TENM2: variants seen among roughly 807,000 people sequenced by gnomAD.
TENM2 encodes the protein teneurin-2.
TENM2 carries 52 observed loss-of-function variants against 245.2 expected under a neutral mutation model. The ratio of observed to expected loss-of-function variants is 0.21; its 90% CI spans 0.17 to 0.27. The LOEUF (loss-of-function observed/expected upper bound fraction) is 0.27. Among genes scored for constraint, TENM2 ranks in the 10% least tolerant of loss-of-function variants. The pLI, the probability that TENM2 is intolerant of heterozygous loss-of-function variation, is 1.00. For missense variants in TENM2, 3,046 were observed against 3,666.8 expected, an observed-to-expected ratio of 0.83 and a Z score of 4.37; for synonymous variants, 1,363 against 1,438.9, an observed-to-expected ratio of 0.95 and a Z score of 1.19.
Position 167,801,820 on chromosome 5 carries a change from TG to T in TENM2, c.503-74163del, listed in dbSNP as rs558625975. Among the ~76,000 whole-genome samples the T allele has an allele frequency of 4.1e-3, 619 of 151,964 alleles. 3 individuals carry two copies. The highest frequency in any genetic ancestry group is 6.4e-3 in the Non-Finnish European group (433 of 67,964). On this transcript the variant is annotated intron_variant, in intron 2 of 28. Transcript: ENST00000518659. ...CTGGGTGGGGCCAATAGGCAGAGAATGGGTAATTCAGTTGTAAGACCAGAGA... is the reference window on the plus strand; with the variant it reads ...CTGGGTGGGGCCAATAGGCAGAGAATGGTAATTCAGTTGTAAGACCAGAGA...
At chr5:167,011,975 T>C in the TENM2 span, among the ~76,000 whole-genome samples, 1 of 151,682 alleles carries the variant, frequency 6.6e-6, no homozygotes, top group Non-Finnish European at 1.5e-5. Context: ...CCTTTCAGTT[T>C]AGTCTCCTTT....
exon 10 of TENM2, chr5:168,118,312 A>G (rs1405627941): frequency 6.2e-7 from 1 of 1,601,178 alleles, no homozygotes; most frequent in East Asian, 2.2e-5. Context: ...TGTCCTGTGC[A>G]GTGGGAATGG....
intron 2 of TENM2, among the ~76,000 whole-genome samples, chr5:167,531,452 C>G (rs1389507370): frequency 6.6e-6 from 1 of 151,918 alleles, no homozygotes; most frequent in Non-Finnish European, 1.5e-5. Flanking sequence ...TTAAATCAGA[C>G]AGTCTGACAC....
intron 2 of TENM2, among the ~76,000 whole-genome samples, chr5:167,429,659 T>G (rs1037668945): frequency 2.2e-5 from 3 of 137,158 alleles, no homozygotes; most frequent in Admixed American, 1.7e-4. Flanking sequence ...CAGGCTGGAG[T>G]GCAGTGAAGC....
intron 2 of TENM2, among the ~76,000 whole-genome samples, chr5:167,868,994 G>A (rs1326328141): frequency 6.6e-6 from 1 of 152,120 alleles, no homozygotes; most frequent in African/African-American, 2.4e-5. Context: ...ATGTAGAGTA[G>A]CTGTTAATAT....
At chr5:167,083,963 C>G in the TENM2 span, among the ~76,000 whole-genome samples, 2 of 152,032 alleles carry the variant, frequency 1.3e-5, no homozygotes, top group Admixed American at 6.6e-5. Context: ...AGAAAAGTTA[C>G]CTGAGGGTGC....
chr5:167,436,783 C>G (rs555325843), intron 2 of TENM2, among the ~76,000 whole-genome samples: 1 of 152,142 alleles, frequency 6.6e-6, no homozygotes, highest in African/African-American at 2.4e-5. Flanking sequence ...GCATACAGCT[C>G]GGGCTCTTCC....
chr5:168,205,945 G>A (rs1762317453), intron 19 of TENM2, among the ~76,000 whole-genome samples: 1 of 152,210 alleles, frequency 6.6e-6, no homozygotes, highest in South Asian at 2.1e-4. Context: ...CAGGATTGGG[G>A]CAATGGTGAT....
chr5:168,181,908 C>A (rs1478213752), intron 13 of TENM2, among the ~76,000 whole-genome samples: 3 of 151,936 alleles, frequency 2.0e-5, no homozygotes, highest in African/African-American at 7.2e-5. Context: ...AACTCCTGAC[C>A]TCAGGTGATC....
At chr5:167,757,909 A>G (rs1272664357) in intron 2 of TENM2, among the ~76,000 whole-genome samples, 1 of 152,178 alleles carries the variant, frequency 6.6e-6, no homozygotes, top group African/African-American at 2.4e-5. Flanking sequence ...TGTTGGAACA[A>G]TTTTAATATT....
chr5:167,320,517 GT>G (rs1201475687), intron 1 of TENM2, among the ~76,000 whole-genome samples: 3 of 152,082 alleles, frequency 2.0e-5, no homozygotes, highest in Non-Finnish European at 4.4e-5. Flanking sequence ...TGGTTTGAAT[GT>G]TTGTTCCCTC....
intron 2 of TENM2, among the ~76,000 whole-genome samples, chr5:167,777,426 A>G (rs904222237): frequency 2.0e-5 from 3 of 152,258 alleles, no homozygotes; most frequent in Non-Finnish European, 4.4e-5. Context: ...AGTATTAGAA[A>G]TAAAAGATGT....
At chr5:167,133,499 A>G in the TENM2 span, among the ~76,000 whole-genome samples, 4 of 152,162 alleles carry the variant, frequency 2.6e-5, no homozygotes, top group Non-Finnish European at 5.9e-5. Context: ...AGAAACTCAA[A>G]TACCTGTGGA....
intron 8 of TENM2, among the ~76,000 whole-genome samples, chr5:168,093,484 A>G (rs1267933408): frequency 6.6e-6 from 1 of 152,242 alleles, no homozygotes; most frequent in East Asian, 1.9e-4. Flanking sequence ...AACATTCTCC[A>G]TCAAGAGCAG....
chr5:168,217,028 C>G, intron 22 of TENM2, 106 bp downstream of exon 24: 3 of 1,252,542 alleles, frequency 2.4e-6, no homozygotes, highest in Non-Finnish European at 3.4e-6. Context: ...GGGAGAGATA[C>G]AGATACAGAT....
At position 168,218,521 on chromosome 5, in the gene TENM2, A is replaced by C. The variant is rs759235628; in HGVS notation, c.4630A>C (p.Asn1544His). 1 of 1,613,896 alleles carries C rather than the reference A, an allele frequency of 6.2e-7. No homozygotes were observed. ...TGCCTACGCGACTGATGCCATCTTGAATTCCCCATCATCCTTAGCTGTAGC... is the reference window on the plus strand; with the variant it reads ...TGCCTACGCGACTGATGCCATCTTGCATTCCCCATCATCCTTAGCTGTAGC... Residue 1544 changes from asparagine to histidine, a missense_variant, in exon 23 of 29, where the codon AAT (asparagine) becomes CAT (histidine). Physicochemically the swap from Asn to His is moderately conservative, Grantham distance 68 (BLOSUM62 1). This residue lies in a region of TENM2 where 2,704 missense variants were observed against 3,331.9 expected (regional missense o/e 0.81). Coordinates refer to ENST00000518659, the Ensembl canonical transcript of TENM2. This position sits in a 1 kb window ranked among gnomAD's most constrained non-coding sequence, Gnocchi z 5.2.
intron 2 of TENM2, among the ~76,000 whole-genome samples, chr5:167,522,525 G>A (rs2127583113): frequency 6.6e-6 from 1 of 151,972 alleles, no homozygotes. Flanking sequence ...TGAAATGAGG[G>A]CTATAGAGTA....
chr5:167,620,449 C>T (rs2127768667), intron 2 of TENM2, among the ~76,000 whole-genome samples: 1 of 150,722 alleles, frequency 6.6e-6, no homozygotes, highest in African/African-American at 2.4e-5. Context: ...TTATTTTTAA[C>T]TTGTGAATAG....
At chr5:167,476,410 A>G (rs929247767) in intron 2 of TENM2, among the ~76,000 whole-genome samples, 3 of 152,202 alleles carry the variant, frequency 2.0e-5, no homozygotes, top group South Asian at 2.1e-4. Context: ...ACATGTGGAC[A>G]CATTTCATTA....
Sources: allele counts gnomAD v4.1 joint callset (sites outside exome capture counted in the v4.1 genomes callset), GRCh38; gene constraint gnomAD v4.1.1; regional missense constraint gnomAD v4.1.1; non-coding constraint Gnocchi (gnomAD v3.1); transcripts MANE v1.5; gene names NCBI Gene and HGNC (gene_info 2026-07-23, HGNC 2026-07-21).